The following LTF variants were observed in gnomAD, a reference collection of about 807,000 sequenced individuals.
LTF encodes lactotransferrin.
In LTF, 91 loss-of-function variants were observed where a neutral mutation model predicts 87.2. The observed-to-expected ratio is 1.04, with a 90% CI of 0.88 to 1.24. The LOEUF (loss-of-function observed/expected upper bound fraction) is 1.24. Among genes scored for constraint, LTF ranks in the 50% most tolerant of loss-of-function variants. The probability of loss-of-function intolerance (pLI) is 0.00; values close to 1 mark genes in which losing one functional copy is unlikely to be tolerated. For missense variants in LTF, 901 were observed against 904.3 expected (o/e 1.00, Z 0.05); for synonymous variants, 378 against 356.1 (o/e 1.06, Z -0.69).
upstream of LTF, chr3:46,468,466 C>T (rs906247727): frequency 1.3e-5 from 5 of 392,828 alleles, no homozygotes; most frequent in Admixed American, 5.6e-5. Flanking sequence ...ACTCCCTTCC[C>T]CCTAACCCTG....
intron 2 of LTF, among the ~76,000 whole-genome samples, chr3:46,456,675 A>G (rs779930008): frequency 6.6e-6 from 1 of 152,142 alleles, no homozygotes; most frequent in African/African-American, 2.4e-5. Context: ...ACAGTCATCT[A>G]TATTTGAAGT....
chr3:46,441,569 A>G, intron 13 of LTF, 86 bp from the exon 14 acceptor site: 11 of 952,958 alleles, frequency 1.2e-5, no homozygotes, highest in Admixed American at 8.4e-5. Flanking sequence ...CATTCCAAAA[A>G]CTGAAATATG....
At chr3:46,474,298 G>A (rs980830485) in intron 1 of LTF, among the ~76,000 whole-genome samples, 2 of 152,102 alleles carry the variant, frequency 1.3e-5, no homozygotes, top group African/African-American at 4.8e-5. Context: ...TAAAAAGAAA[G>A]CAGGAAGAGC....
chr3:46,455,206 T>A, intron 5 of LTF, 89 bp downstream of exon 5: 1 of 1,514,324 alleles, frequency 6.6e-7, no homozygotes, highest in South Asian at 1.1e-5. Flanking sequence ...AAGAGCAGGC[T>A]GGGCTCTATG....
At chr3:46,455,753 A>G in intron 4 of LTF, 43 bp downstream of exon 4, 1 of 1,521,394 alleles carries the variant, frequency 6.6e-7, no homozygotes, top group Non-Finnish European at 8.8e-7. Context: ...ACTGGAATAG[A>G]GCCCCCTGCC....
chr3:46,461,483 A>G (rs930541222), intron 1 of LTF, among the ~76,000 whole-genome samples: 1 of 152,240 alleles, frequency 6.6e-6, no homozygotes, highest in Non-Finnish European at 1.5e-5. Flanking sequence ...GGCATGCCCC[A>G]CAACATGAAC....
At chr3:46,446,342 G>T in intron 11 of LTF, 98 bp downstream of exon 11, 1 of 931,592 alleles carries the variant, frequency 1.1e-6, no homozygotes, top group Non-Finnish European at 1.7e-6. Flanking sequence ...TAGCTTCTAG[G>T]GCTGCAATTC....
At chr3:46,445,508 G>A in intron 11 of LTF, 72 bp from the exon 12 acceptor site, 1 of 1,450,284 alleles carries the variant, frequency 6.9e-7, no homozygotes, top group South Asian at 1.3e-5. Flanking sequence ...CAGTGGAGCT[G>A]TCTACAGCCC....
chr3:46,472,790 G>T lies in LTF; in HGVS notation c.-319-2324C>A, dbSNP rs192970046. ...ACCAATAATGTTGTTGCTAAATGTT[G>T]CCCCATTTGTGAAGGAAACTCAGCA... On this transcript the variant is annotated intron_variant, in intron 1 of 19. Coordinates refer to the LTF transcript ENST00000443496. 3.3e-5 allele frequency among the ~76,000 whole-genome samples: 5 copies of T among 152,034 alleles called. No individual in the cohort carries two copies. The South Asian group carries it at 1.0e-3, about 32-fold the overall frequency.
rs1702929035 is a variant in LTF, at chr3:46,456,283, A to G, written c.316+7T>C. ...CCGTGGCCTCTGGGTCCCCAGGCAG[A>G]ACTCACGTCTTTCGGTCCCGTAGAC... On this transcript the variant is annotated splice_region_variant and intron_variant, in intron 3 of 16. Coordinates refer to ENST00000231751, the MANE Select transcript of LTF (RefSeq NM_002343.6). 6.2e-7 allele frequency: 1 copy of G among 1,613,500 alleles called. No homozygotes were observed. Among genetic ancestry groups the G allele is most frequent in the African/African-American group, 1.3e-5 (1 of 75,006 alleles).
chr3:46,459,765 G>A lies in LTF; in HGVS notation c.98C>T (p.Pro33Leu), dbSNP rs752330797. 1.3e-6 allele frequency: 2 copies of A among 1,559,894 alleles called. No homozygotes were observed. Among genetic ancestry groups the A allele is most frequent in the Non-Finnish European group, 1.7e-6 (2 of 1,161,992 alleles). ...RSVQWCAVSQ[P>L]EATKCFQWQR... Reference sequence around the variant, plus strand: ...CCATTGGAAGCATTTTGTGGCCTCGGGTTGGGATACGGCGCACCACTGAAC... The same window carrying A: ...CCATTGGAAGCATTTTGTGGCCTCGAGTTGGGATACGGCGCACCACTGAAC... Residue 33 changes from proline (P) to leucine (L), a missense_variant, in exon 2 of 17, where the codon CCC becomes CTC. By Grantham distance (98) the Pro-to-Leu change is moderately conservative. Coordinates refer to ENST00000231751, the MANE Select transcript of LTF (RefSeq NM_002343.6).
chr3:46,480,838 C>T (rs1047736625), intron 1 of LTF, among the ~76,000 whole-genome samples: 1 of 152,198 alleles, frequency 6.6e-6, no homozygotes, highest in Non-Finnish European at 1.5e-5. Context: ...AGAGAAGTCT[C>T]AAGAAGGAAG....
At chr3:46,460,426 C>A in intron 1 of LTF, 1 of 364,498 alleles carries the variant, frequency 2.7e-6, no homozygotes, top group African/African-American at 2.1e-5. Context: ...GCCTGAGCTA[C>A]CACCATTCAC....
chr3:46,477,880 A>G (rs921010125), intron 1 of LTF, among the ~76,000 whole-genome samples: 1 of 152,158 alleles, frequency 6.6e-6, no homozygotes, highest in African/African-American at 2.4e-5. Flanking sequence ...CCCTTTCCCC[A>G]GGCGGCTCCA....
intron 12 of LTF, among the ~76,000 whole-genome samples, chr3:46,444,146 T>A (rs1357232156): frequency 6.6e-6 from 1 of 152,202 alleles, no homozygotes; most frequent in East Asian, 1.9e-4. Context: ...TTCTCTTTCT[T>A]CATCCTGCAC....
At chr3:46,464,083 G>A (rs1419162333) in intron 1 of LTF, among the ~76,000 whole-genome samples, 1 of 152,138 alleles carries the variant, frequency 6.6e-6, no homozygotes, top group Non-Finnish European at 1.5e-5. Flanking sequence ...TGCGGCCTGG[G>A]ACCTTCCCCT....
chr3:46,476,990 A>G (rs150274594), intron 1 of LTF, among the ~76,000 whole-genome samples: 3 of 152,350 alleles, frequency 2.0e-5, no homozygotes, highest in Non-Finnish European at 4.4e-5. Flanking sequence ...ATGGTGCTGA[A>G]GCGAACATAT....
At chr3:46,461,442 G>A (rs1703078494) in intron 1 of LTF, among the ~76,000 whole-genome samples, 1 of 152,176 alleles carries the variant, frequency 6.6e-6, no homozygotes, top group African/African-American at 2.4e-5. Context: ...TCCATTCAAT[G>A]GAATATTACT....
Position 46,455,976 on chromosome 3 carries a change from G to T in LTF, c.319C>A (p.Pro107Thr). 1 of 1,577,396 alleles carries T rather than the reference G, an allele frequency of 6.3e-7. No individual in the cohort carries two copies. Among genetic ancestry groups the T allele is most frequent in the Non-Finnish European group, 8.6e-7 (1 of 1,162,956 alleles). ...AAEVYGTERQ[P>T]RTHYYAVAVV... ...GCCACGGCATAATAGTGAGTTCGTGGCTCTGCAAAGGGGCAGACAGAATTG... is the reference window on the plus strand; with the variant it reads ...GCCACGGCATAATAGTGAGTTCGTGTCTCTGCAAAGGGGCAGACAGAATTG... Residue 107 changes from proline (P) to threonine (T), a missense_variant and splice_region_variant, in exon 4 of 17, where the codon CCA becomes ACA. Physicochemically the swap from Pro to Thr is conservative, Grantham distance 38. Transcript: ENST00000231751.
Sources: gnomAD v4.1 joint callset for allele counts (sites outside exome capture counted in the v4.1 genomes callset) on GRCh38, gnomAD v4.1.1 for gene constraint, MANE v1.5 for transcripts, NCBI Gene and HGNC (gene_info 2026-07-23, HGNC 2026-07-21) for gene names.